The following RASGEF1A variants were observed in gnomAD, a reference collection of about 807,000 sequenced individuals.
The protein encoded by RASGEF1A is RasGEF domain family member 1A.
In RASGEF1A, 18 loss-of-function variants were observed where a neutral mutation model predicts 56.4. The ratio of observed to expected loss-of-function variants is 0.32; its 90% confidence interval spans 0.22 to 0.47. The LOEUF is 0.47. Among genes scored for constraint, RASGEF1A ranks in the 20% least tolerant of loss-of-function variants. The probability of loss-of-function intolerance (pLI) is 1.00; values close to 1 mark genes in which losing one functional copy is unlikely to be tolerated. For missense variants in RASGEF1A, 422 were observed against 627.1 expected (o/e 0.67, Z 3.49); for synonymous variants, 245 against 242.6 (o/e 1.01, Z -0.09).
At chr10:43,224,636 T>C (rs1840249409) in intron 1 of RASGEF1A, among the ~76,000 whole-genome samples, 1 of 152,356 alleles carries the variant, frequency 6.6e-6, no homozygotes, top group East Asian at 1.9e-4. Flanking sequence ...ATTGGAAATA[T>C]GGGCCAGTTT....
At chr10:43,248,937 G>GA (rs1296846989) in intron 1 of RASGEF1A, among the ~76,000 whole-genome samples, 1 of 152,168 alleles carries the variant, frequency 6.6e-6, no homozygotes. Context: ...AAGTGCTGTG[G>GA]AAAAAACTAG....
At chr10:43,236,689 T>A (rs950103256) in intron 1 of RASGEF1A, among the ~76,000 whole-genome samples, 6 of 152,228 alleles carry the variant, frequency 3.9e-5, no homozygotes, top group Admixed American at 3.9e-4. Flanking sequence ...TACGTGCTCA[T>A]CTTCTAAAAC....
chr10:43,239,773 A>T (rs1840479897), intron 1 of RASGEF1A, among the ~76,000 whole-genome samples: 1 of 152,224 alleles, frequency 6.6e-6, no homozygotes, highest in African/African-American at 2.4e-5. Context: ...ACTTACAAGG[A>T]TGTCTGTATT....
chr10:43,225,576 G>GGTGGGTGTGT lies in RASGEF1A; in HGVS notation c.-6-19455_-6-19454insACACACCCAC, dbSNP rs1554827211. ...CTCTGTGTGTGGGTGTCTGTGTATG[G>GGTGGGTGTGT]GTGTGTGTGTGTGTGTGTGTGTGTG... On this transcript the variant is annotated intron_variant, in intron 1 of 12. Coordinates refer to ENST00000395810, the MANE Select transcript of RASGEF1A (RefSeq NM_145313.4). Among the ~76,000 whole-genome samples the GGTGGGTGTGT allele has an allele frequency of 5.5e-5, 8 of 146,180 alleles. No individual in the cohort carries two copies. In the East Asian group the frequency reaches 1.6e-3, roughly 30 times the overall value.
intron 1 of RASGEF1A, among the ~76,000 whole-genome samples, chr10:43,242,025 C>G (rs1253421270): frequency 6.6e-6 from 1 of 152,198 alleles, no homozygotes; most frequent in Non-Finnish European, 1.5e-5. Flanking sequence ...GTAGTCCCAG[C>G]TACTCAGGAG....
intron 1 of RASGEF1A, among the ~76,000 whole-genome samples, chr10:43,239,119 G>A (rs907836082): frequency 3.3e-5 from 5 of 152,198 alleles, no homozygotes; most frequent in African/African-American, 1.2e-4. Flanking sequence ...ACGTTCTGTG[G>A]CAGCTGCAGG....
intron 1 of RASGEF1A, among the ~76,000 whole-genome samples, chr10:43,254,954 A>G (rs1840671393): frequency 6.6e-6 from 1 of 151,382 alleles, no homozygotes; most frequent in African/African-American, 2.4e-5. Flanking sequence ...CTATCCCCGC[A>G]CTCCTGACAC....
rs143039919 is a variant in RASGEF1A at position 43,231,443 on chromosome 10, C to T, written c.-6-25321G>A. 6.3e-4 allele frequency among the ~76,000 whole-genome samples: 96 copies of T among 152,346 alleles called. 1 individual carries two copies. The highest frequency in any genetic ancestry group is 3.4e-3 in the Middle Eastern group (1 of 294). On this transcript the variant is annotated intron_variant, in intron 1 of 12. Coordinates refer to ENST00000395810, the MANE Select transcript of RASGEF1A (RefSeq NM_145313.4). ...TCCATGTGAGCAGTTGGCCCTGCTG[C>T]CTCCTGACCCCAGAGCAAGCATCCC...
intron 1 of RASGEF1A, among the ~76,000 whole-genome samples, chr10:43,262,578 G>A (rs765367604): frequency 6.6e-6 from 1 of 152,228 alleles, no homozygotes; most frequent in Non-Finnish European, 1.5e-5. Context: ...ACGGATGTTC[G>A]CTGAATCTGC....
intron 1 of RASGEF1A, among the ~76,000 whole-genome samples, chr10:43,225,243 T>A (rs1840260120): frequency 1.5e-5 from 1 of 66,356 alleles, no homozygotes; most frequent in African/African-American, 6.4e-5. Context: ...TGCATGTCTG[T>A]GTGTGGGGGT....
chr10:43,228,862 A>C (rs977860859), intron 1 of RASGEF1A, among the ~76,000 whole-genome samples: 10 of 152,182 alleles, frequency 6.6e-5, no homozygotes, highest in African/African-American at 2.2e-4. Context: ...GGCCCGATAA[A>C]TGCATGCTGA....
rs1050792414 is a variant in RASGEF1A at position 43,203,199 on chromosome 10, AGCTC to A, written c.321+95_321+98del. 18 of 678,278 alleles carry A rather than the reference AGCTC, an allele frequency of 2.7e-5. No homozygotes were observed. The African/African-American group carries it at 6.7e-4, about 25-fold the overall frequency. 42.0% of individuals were successfully genotyped at this position (678,278 alleles called of 1,614,324 possible). ...AACTCTAGCCCTGACCCCATCCCCC[AGCTC>A]TACCGTGAACCCCGCCCCATGCCTC... On this transcript the variant is annotated intron_variant, in intron 3 of 12. Coordinates refer to ENST00000395810, the MANE Select transcript of RASGEF1A (RefSeq NM_145313.4).
At chr10:43,219,116 T>C (rs1028933668) in intron 1 of RASGEF1A, among the ~76,000 whole-genome samples, 1 of 152,174 alleles carries the variant, frequency 6.6e-6, no homozygotes, top group Non-Finnish European at 1.5e-5. Flanking sequence ...ATCCCTGCCC[T>C]TTCCCGGCAG....
intron 1 of RASGEF1A, among the ~76,000 whole-genome samples, chr10:43,258,452 A>C (rs1836465107): frequency 6.6e-6 from 1 of 152,132 alleles, no homozygotes; most frequent in African/African-American, 2.4e-5. Context: ...TTCATGGCCA[A>C]CCCAGTGCCC....
intron 5 of RASGEF1A, 42 bp from the exon 6 acceptor site, chr10:43,200,298 T>C: frequency 6.5e-7 from 1 of 1,535,142 alleles, no homozygotes; most frequent in Non-Finnish European, 8.9e-7. Context: ...AAGCTTCCCC[T>C]GGAGAAGGGA....
chr10:43,237,662 G>A (rs933661143), intron 1 of RASGEF1A, among the ~76,000 whole-genome samples: 12 of 152,084 alleles, frequency 7.9e-5, no homozygotes, highest in African/African-American at 2.4e-4. Flanking sequence ...CCAGGCTAAC[G>A]CACGGCGTGG....
chr10:43,210,116 TGGAAGGCCCG>T (rs973228315), intron 1 of RASGEF1A, among the ~76,000 whole-genome samples: 36 of 152,286 alleles, frequency 2.4e-4, no homozygotes, highest in African/African-American at 8.7e-4. Flanking sequence ...TGCAGGTGAA[TGGAAGGCCCG>T]GGAAGCCCAC....
At chr10:43,257,004 T>G (rs1836426119) in intron 1 of RASGEF1A, among the ~76,000 whole-genome samples, 1 of 152,086 alleles carries the variant, frequency 6.6e-6, no homozygotes, top group Non-Finnish European at 1.5e-5. Context: ...TATTTTTAGG[T>G]TGTGTCTGCA....
In RASGEF1A at chr10:43,203,309, C is replaced by T; in HGVS notation, c.310G>A (p.Gly104Arg). 1.3e-6 allele frequency: 2 copies of T among 1,558,396 alleles called. No homozygotes were observed. The highest frequency in any genetic ancestry group is 1.7e-6 in the Non-Finnish European group (2 of 1,151,876). Residue 104 changes from glycine to arginine, a missense_variant, in exon 3 of 13, where the codon GGG becomes AGG. Physicochemically the swap from Gly to Arg is moderately radical, Grantham distance 125 (BLOSUM62 -2). Around this residue, in one of 2 missense-constraint regions of RASGEF1A, gnomAD observed 273 missense variants for 339.9 expected, o/e 0.80. Coordinates refer to ENST00000395810, the MANE Select transcript of RASGEF1A (RefSeq NM_145313.4). ...AGGCCCCGCCTCACCTTTTCAGGCC[C>T]GGCTTCCAGCTGCTGCTTCTGCTCC... is the stretch of plus-strand genomic sequence containing the variant. Reference protein sequence around the residue: ...CVEQKQQLEAGPEKAKLKSFS... With the variant: ...CVEQKQQLEARPEKAKLKSFS...
Sources: gnomAD v4.1 joint callset for allele counts (sites outside exome capture counted in the v4.1 genomes callset) on GRCh38, gnomAD v4.1.1 for gene constraint, gnomAD v4.1.1 regional missense constraint, MANE v1.5 for transcripts, NCBI Gene and HGNC (gene_info 2026-07-23, HGNC 2026-07-21) for gene names.